CFAP61: variants seen among roughly 807,000 people sequenced by gnomAD.
The protein encoded by CFAP61 is cilia- and flagella-associated protein 61.
CFAP61 carries 107 observed loss-of-function variants against 135.6 expected under a neutral mutation model. The ratio of observed to expected loss-of-function variants is 0.79; its 90% CI spans 0.67 to 0.93. The LOEUF is 0.93. Among genes scored for constraint, CFAP61 ranks in the 40% least tolerant of loss-of-function variants. The probability of loss-of-function intolerance (pLI) is 0.00; values close to 1 mark genes in which losing one functional copy is unlikely to be tolerated. For missense variants in CFAP61, 1,507 were observed against 1,556.2 expected (o/e 0.97, Z 0.53); for synonymous variants, 575 against 578.5 (o/e 0.99, Z 0.09).
At position 20,327,801 on chromosome 20, in the gene CFAP61, A is replaced by C. The variant is rs917100733; in HGVS notation, c.3423-14030A>C. Among the ~76,000 whole-genome samples the C allele has an allele frequency of 1.1e-3, 57 of 52,898 alleles. No individual in the cohort carries two copies. The East Asian group carries it at 0.022, about 21-fold the overall frequency. The allele number at this position is 52,898 out of a possible 152,430, so 34.7% of individuals were successfully genotyped here. A position where few individuals can be genotyped will look rare whatever the true frequency, so the allele number is the denominator to read the frequency against. On this transcript the variant is annotated intron_variant, in intron 25 of 26. Transcript: ENST00000245957. ...TCAAAAAAAAAAAAAAAAAAAAAAA[A>C]AAAACAGAAGAAACAGGAGGCTTTG...
chr20:20,340,012 G>A (rs1236979870), intron 25 of CFAP61, among the ~76,000 whole-genome samples: 1 of 152,232 alleles, frequency 6.6e-6, no homozygotes, highest in African/African-American at 2.4e-5. Flanking sequence ...CTGGGAGCCT[G>A]TAGCTGGTGC....
At chr20:20,146,046 A>G (rs184311638) in intron 9 of CFAP61, among the ~76,000 whole-genome samples, 3 of 152,330 alleles carry the variant, frequency 2.0e-5, no homozygotes, top group Admixed American at 2.0e-4. Flanking sequence ...GGCCCTCAGC[A>G]TCCCATCAAA....
At chr20:20,348,232 A>G (rs192014638) in intron 26 of CFAP61, among the ~76,000 whole-genome samples, 64 of 152,104 alleles carry the variant, frequency 4.2e-4, no homozygotes, top group African/African-American at 1.3e-3. Flanking sequence ...ACAGACCAAC[A>G]CCCCTTTTAA....
rs531198063 is a variant in CFAP61, at chr20:20,127,625, G to A, written c.860-15232G>A. Among the ~76,000 whole-genome samples, 3 of 151,426 alleles carry A rather than the reference G, an allele frequency of 2.0e-5. No homozygotes were observed. The East Asian group carries it at 5.8e-4, about 29-fold the overall frequency. ...CAGTGCCTGTTCCGGTGGAGGTGAC[G>A]GTTGGTGGTGGGGTCGGGGTGGGGG... is the stretch of plus-strand genomic sequence containing the variant. On this transcript the variant is annotated intron_variant, in intron 8 of 26. Transcript: ENST00000245957.
At chr20:20,263,268 TC>T in intron 21 of CFAP61, 138 bp downstream of exon 21, 1 of 599,694 alleles carries the variant, frequency 1.7e-6, no homozygotes. Context: ...TGCTTTGTTT[TC>T]CAGATTAATT....
intron 8 of CFAP61, among the ~76,000 whole-genome samples, chr20:20,126,582 C>A (rs2050081734): frequency 6.6e-6 from 1 of 151,920 alleles, no homozygotes; most frequent in Non-Finnish European, 1.5e-5. Context: ...GCTGAGAAAT[C>A]TGCTGTTAGT....
chr20:20,326,724 T>C lies in CFAP61; in HGVS notation c.3423-15107T>C, dbSNP rs1025309143. Among the ~76,000 whole-genome samples, 9 of 152,362 alleles carry C rather than the reference T, an allele frequency of 5.9e-5. No individual in the cohort carries two copies. In the East Asian group the frequency reaches 1.7e-3, roughly 29 times the overall value. On this transcript the variant is annotated intron_variant, in intron 25 of 26. Transcript: ENST00000245957. The stretch of plus-strand genomic sequence containing the variant: ...CTTTGCTCCATTTTGTCTGTTTCTG[T>C]ACTCTTCCATGCTGTTGTAATGATT...
At chr20:20,257,695 C>T (rs1454317522) in intron 20 of CFAP61, among the ~76,000 whole-genome samples, 1 of 149,902 alleles carries the variant, frequency 6.7e-6, no homozygotes, top group Non-Finnish European at 1.5e-5. Context: ...GGACAGGTGG[C>T]AAGCACCACA....
rs550095823 is a variant in CFAP61, at chr20:20,093,756, A to G, written c.699+2780A>G. 1.1e-4 allele frequency among the ~76,000 whole-genome samples: 17 copies of G among 152,220 alleles called. No homozygotes were observed. The South Asian group carries it at 3.5e-3, about 32-fold the overall frequency. On this transcript the variant is annotated intron_variant, in intron 7 of 26. Transcript: ENST00000245957. ...GTGTACTTCTTGAAGGGTTGTTTTT[A>G]TGGTAGGTGAATTATATCAATTATA...
At chr20:20,121,168 A>G (rs1419824817) in intron 8 of CFAP61, among the ~76,000 whole-genome samples, 5 of 130,484 alleles carry the variant, frequency 3.8e-5, no homozygotes. Context: ...GTGCGGTGGC[A>G]CCATCTCGGC....
intron 21 of CFAP61, among the ~76,000 whole-genome samples, chr20:20,264,045 A>G (rs557420371): frequency 6.6e-6 from 1 of 152,266 alleles, no homozygotes; most frequent in East Asian, 1.9e-4. Flanking sequence ...TTTTTGGTGG[A>G]CCATTTAGGT....
chr20:20,341,831 C>A lies in CFAP61; in HGVS notation c.3423C>A (p.Ser1141Arg). Residue 1141 changes from serine (S) to arginine (R), a missense_variant and splice_region_variant, in exon 26 of 27, where the codon AGC (serine) becomes AGA (arginine). Coordinates refer to ENST00000245957, the MANE Select transcript of CFAP61 (RefSeq NM_015585.4). ...ACTGAGTCTCTTCTTTCCTTACCAGCTACTTCACCGAGCCGTGGTGCCTGG... is the reference window on the plus strand; with the variant it reads ...ACTGAGTCTCTTCTTTCCTTACCAGATACTTCACCGAGCCGTGGTGCCTGG... ...YDENLITDLY[S>R]YFTEPWCLAL... 1 of 1,612,194 alleles carries A rather than the reference C, an allele frequency of 6.2e-7. No individual in the cohort carries two copies. Among genetic ancestry groups the A allele is most frequent in the Non-Finnish European group, 8.5e-7 (1 of 1,178,786 alleles).
At position 20,199,780 on chromosome 20, in the gene CFAP61, T is replaced by C; in HGVS notation, c.1810T>C (p.Tyr604His). Residue 604 changes from tyrosine (Y) to histidine (H), a missense_variant, in exon 17 of 27, where the codon TAC becomes CAC. By Grantham distance (83) the Tyr-to-His change is moderately conservative (BLOSUM62 2). Transcript: ENST00000245957. ...TGCTGTCTTTCAGTTCCAGAACCCC[T>C]ACGCCCACTCCCTGACATCTGCCCT... Reference protein sequence around the residue: ...KSREGKFQNPYAHSLTSALHY... With the variant: ...KSREGKFQNPHAHSLTSALHY... The C allele has an allele frequency of 1.2e-6, 2 of 1,614,132 alleles. No individual in the cohort carries two copies. The highest frequency in any genetic ancestry group is 1.7e-6 in the Non-Finnish European group (2 of 1,180,008).
intron 7 of CFAP61, among the ~76,000 whole-genome samples, chr20:20,091,869 G>T (rs534260827): frequency 2.6e-5 from 4 of 152,226 alleles, no homozygotes; most frequent in African/African-American, 9.6e-5. Context: ...GTAGAGACGG[G>T]GTTTCACCAT....
rs1390185698 is a variant in CFAP61, at chr20:20,277,146, C to T, written c.2504-20C>T. 5.1e-6 allele frequency: 8 copies of T among 1,575,768 alleles called. No individual in the cohort carries two copies. The highest frequency in any genetic ancestry group is 6.9e-6 in the Non-Finnish European group (8 of 1,152,420). ...TGGTTTTCTGAACTGTATATCTTAG[C>T]GTTTTCCCTTCTTTCCTAGGGAATA... On this transcript the variant is annotated intron_variant, in intron 21 of 26. Coordinates refer to ENST00000245957, the MANE Select transcript of CFAP61 (RefSeq NM_015585.4).
chr20:20,241,031 A>C (rs915399558), intron 18 of CFAP61, among the ~76,000 whole-genome samples: 2 of 152,204 alleles, frequency 1.3e-5, no homozygotes, highest in African/African-American at 4.8e-5. Flanking sequence ...TATCAGCACG[A>C]AACTGGTGAT....
Position 20,317,677 on chromosome 20 carries a change from G to A in CFAP61, c.3422+19291G>A, listed in dbSNP as rs565503038. ...CCCACGGTACCCTCTTGGCCCCAGC[G>A]GCTCTGACAGCTGCTGGGGCACTGT... On this transcript the variant is annotated intron_variant, in intron 25 of 26. Transcript: ENST00000245957. 1.3e-4 allele frequency among the ~76,000 whole-genome samples: 20 copies of A among 152,196 alleles called. No individual in the cohort carries two copies. In the East Asian group the frequency reaches 2.7e-3, roughly 21 times the overall value.
At chr20:20,147,851 TA>T (rs1313660134) in intron 9 of CFAP61, among the ~76,000 whole-genome samples, 7 of 152,214 alleles carry the variant, frequency 4.6e-5, no homozygotes, top group African/African-American at 1.7e-4. Context: ...GAGATTTTTT[TA>T]ATGTTATCTT....
At chr20:20,074,018 C>T (rs2045894846) in intron 3 of CFAP61, 6 of 426,954 alleles carry the variant, frequency 1.4e-5, no homozygotes, top group South Asian at 1.2e-4. Context: ...CAGGCTCTCC[C>T]GCAGCTCATT....
Sources: allele counts gnomAD v4.1 joint callset (sites outside exome capture counted in the v4.1 genomes callset), GRCh38; gene constraint gnomAD v4.1.1; transcripts MANE v1.5; gene names NCBI Gene and HGNC (gene_info 2026-07-23, HGNC 2026-07-21).